The following GRIP1 variants were observed in gnomAD, a reference collection of about 807,000 sequenced individuals.
The protein encoded by GRIP1 is glutamate receptor interacting protein 1, also known as glutamate receptor-interacting protein 1.
In GRIP1, 45 loss-of-function variants were observed where a neutral mutation model predicts 129.9. The ratio of observed to expected loss-of-function variants is 0.35; its 90% CI spans 0.27 to 0.44. The LOEUF is 0.44. Among genes scored for constraint, GRIP1 ranks in the 20% least tolerant of loss-of-function variants. GRIP1 has a pLI of 1.00. For missense variants in GRIP1, 1,196 were observed against 1,396.8 expected (o/e 0.86, Z 2.29); for synonymous variants, 530 against 520.8 (o/e 1.02, Z -0.24).
intron 1 of GRIP1, among the ~76,000 whole-genome samples, chr12:66,849,322 T>C (rs2039871670): frequency 6.6e-6 from 1 of 152,156 alleles, no homozygotes; most frequent in Non-Finnish European, 1.5e-5. Context: ...CACAGGTCAC[T>C]CCAGCCAGCA....
At chr12:66,770,833 T>G (rs529845371) in intron 1 of GRIP1, among the ~76,000 whole-genome samples, 1 of 152,158 alleles carries the variant, frequency 6.6e-6, no homozygotes, top group African/African-American at 2.4e-5. Flanking sequence ...CAGTGGCTCA[T>G]GCCTATAATC....
chr12:67,006,543 T>C (rs1196211244), intron 1 of GRIP1, among the ~76,000 whole-genome samples: 1 of 152,110 alleles, frequency 6.6e-6, no homozygotes, highest in Non-Finnish European at 1.5e-5. Flanking sequence ...GCTGTGATCA[T>C]GCCACTGCAC....
chr12:67,047,149 T>TA (rs1215137642), intron 1 of GRIP1, among the ~76,000 whole-genome samples: 1 of 152,138 alleles, frequency 6.6e-6, no homozygotes, highest in Non-Finnish European at 1.5e-5. Context: ...AGAAGCTCAA[T>TA]AAAATCACAA....
chr12:66,375,437 T>G (rs2055739425), intron 22 of GRIP1, among the ~76,000 whole-genome samples: 1 of 152,220 alleles, frequency 6.6e-6, no homozygotes, highest in South Asian at 2.1e-4. Flanking sequence ...GGATGTAAAT[T>G]TAATATGCAA....
chr12:66,932,500 C>G (rs2041413683), intron 1 of GRIP1, among the ~76,000 whole-genome samples: 1 of 151,938 alleles, frequency 6.6e-6, no homozygotes, highest in Non-Finnish European at 1.5e-5. Context: ...TTGAGGGCTC[C>G]TCTGTGCCAG....
intron 1 of GRIP1, among the ~76,000 whole-genome samples, chr12:66,943,431 C>T (rs1369770443): frequency 6.6e-6 from 1 of 152,168 alleles, no homozygotes; most frequent in Non-Finnish European, 1.5e-5. Context: ...AACAACATAA[C>T]TGATATTTAT....
chr12:66,977,807 A>ATATTTTTTT (rs2042176754), intron 1 of GRIP1, among the ~76,000 whole-genome samples: 1 of 60,256 alleles, frequency 1.7e-5, no homozygotes, highest in African/African-American at 7.0e-5. Context: ...AGAGCTGAGC[A>ATATTTTTTT]TTTTTTTTTT....
intron 1 of GRIP1, among the ~76,000 whole-genome samples, chr12:66,652,374 C>T (rs1485478313): frequency 6.6e-6 from 1 of 152,186 alleles, no homozygotes; most frequent in Non-Finnish European, 1.5e-5. Flanking sequence ...TAAGACATGC[C>T]TGCTTCTCCT....
At chr12:66,364,265 C>CAAAAAAAAAAAAAAAAAAAAAAAAA (rs1159887365) in intron 23 of GRIP1, among the ~76,000 whole-genome samples, 8 of 16,330 alleles carry the variant, frequency 4.9e-4, no homozygotes, top group Middle Eastern at 0.045. Flanking sequence ...GACTCCATCT[C>CAAAAAAAAAAAAAAAAAAAAAAAAA]AAAAAAAAAA....
chr12:66,426,877 C>A (rs1374794347), intron 14 of GRIP1, among the ~76,000 whole-genome samples: 3 of 152,160 alleles, frequency 2.0e-5, no homozygotes, highest in African/African-American at 7.2e-5. Context: ...AGTATGCAAA[C>A]CTTCACCTAA....
intron 23 of GRIP1, among the ~76,000 whole-genome samples, chr12:66,355,911 G>GA (rs2054467071): frequency 6.6e-6 from 1 of 152,218 alleles, no homozygotes; most frequent in African/African-American, 2.4e-5. Context: ...TGCAGAGAAA[G>GA]AGAGTGTGAA....
At chr12:66,462,016 A>G (rs2059151254) in intron 9 of GRIP1, among the ~76,000 whole-genome samples, 1 of 152,204 alleles carries the variant, frequency 6.6e-6, no homozygotes, top group Admixed American at 6.5e-5. Context: ...TTGGGGCTCA[A>G]AGACCCCTTT....
chr12:66,369,248 C>A (rs1182768035), intron 23 of GRIP1, among the ~76,000 whole-genome samples: 1 of 151,268 alleles, frequency 6.6e-6, no homozygotes, highest in Non-Finnish European at 1.5e-5. Context: ...TTACAGTTCA[C>A]ACACTGCCAC....
chr12:66,491,931 C>T (rs545385695), intron 7 of GRIP1, among the ~76,000 whole-genome samples: 13 of 152,256 alleles, frequency 8.5e-5, no homozygotes, highest in Non-Finnish European at 1.6e-4. Flanking sequence ...TAAAAATAGT[C>T]GGGGCTGGAT....
upstream of GRIP1, among the ~76,000 whole-genome samples, chr12:66,807,044 A>C (rs2039007372): frequency 6.6e-6 from 1 of 152,096 alleles, no homozygotes; most frequent in African/African-American, 2.4e-5. Flanking sequence ...GAATGAAAGG[A>C]TGTTGTAACA....
intron 1 of GRIP1, among the ~76,000 whole-genome samples, chr12:66,969,188 G>A (rs1275112280): frequency 6.6e-6 from 1 of 152,062 alleles, no homozygotes; most frequent in Non-Finnish European, 1.5e-5. Context: ...TCTAAGTATA[G>A]ACTTTGTGGA....
At chr12:66,926,833 G>A (rs1481252245) in intron 1 of GRIP1, among the ~76,000 whole-genome samples, 1 of 151,986 alleles carries the variant, frequency 6.6e-6, no homozygotes, top group Non-Finnish European at 1.5e-5. Flanking sequence ...AAATAACAAA[G>A]CACTAATAAT....
chr12:66,566,041 T>C (rs1292140885), intron 2 of GRIP1, among the ~76,000 whole-genome samples: 3 of 152,230 alleles, frequency 2.0e-5, no homozygotes, highest in Admixed American at 6.5e-5. Flanking sequence ...TGGGGTTTTC[T>C]AAATATACAA....
intron 1 of GRIP1, among the ~76,000 whole-genome samples, chr12:66,943,450 TTC>T (rs1207742836): frequency 3.9e-5 from 6 of 152,200 alleles, no homozygotes; most frequent in African/African-American, 1.4e-4. Flanking sequence ...ATAAATTAAT[TTC>T]TTTCTATTTA....
Sources: allele counts gnomAD v4.1 joint callset (sites outside exome capture counted in the v4.1 genomes callset), GRCh38; gene constraint gnomAD v4.1.1; transcripts MANE v1.5; gene names NCBI Gene and HGNC (gene_info 2026-07-23, HGNC 2026-07-21).